LPA: variants seen among roughly 807,000 people sequenced by gnomAD.
The protein encoded by LPA is apolipoprotein(a).
Under a neutral mutation model 197.9 loss-of-function variants are expected in LPA, and 199 were observed. The observed-to-expected ratio is 1.01, with a 90% confidence interval of 0.90 to 1.13. LPA has a LOEUF of 1.13. LPA is among the 50% of genes most tolerant of loss of function. The probability of loss-of-function intolerance (pLI) is 0.00; values close to 1 mark genes in which losing one functional copy is unlikely to be tolerated. For synonymous variants in LPA, 715 were observed against 639.5 expected (o/e 1.12, Z -1.78); for missense variants, 1,853 against 1,785.8 (o/e 1.04, Z -0.68).
chr6:160,548,890 G>A (rs1778124059), intron 30 of LPA, among the ~76,000 whole-genome samples: 1 of 152,144 alleles, frequency 6.6e-6, no homozygotes, highest in South Asian at 2.1e-4. Flanking sequence ...GTATATGCTT[G>A]TATTAGCCCG....
At chr6:160,650,160 C>T (rs1239358386) in intron 2 of LPA, among the ~76,000 whole-genome samples, 178 bp downstream of exon 2, 2 of 152,190 alleles carry the variant, frequency 1.3e-5, no homozygotes, top group African/African-American at 4.8e-5. Context: ...GGAAAGAGAG[C>T]CAGCTTAACA....
chr6:160,565,581 C>A (rs1265632116), intron 28 of LPA, among the ~76,000 whole-genome samples: 1 of 152,160 alleles, frequency 6.6e-6, no homozygotes, highest in Admixed American at 6.5e-5. Context: ...GAAACCAGAG[C>A]AGAACAGCTG....
intron 24 of LPA, among the ~76,000 whole-genome samples, chr6:160,587,779 G>T (rs1441274058): frequency 5.0e-5 from 6 of 120,810 alleles, no homozygotes; most frequent in Non-Finnish European, 1.0e-4. Context: ...GTGTGTGTGT[G>T]TGTGTGTGTG....
intron 22 of LPA, among the ~76,000 whole-genome samples, chr6:160,593,167 A>T (rs1393540448): frequency 6.6e-6 from 1 of 152,124 alleles, no homozygotes; most frequent in Non-Finnish European, 1.5e-5. Context: ...GTTAAGCAAG[A>T]CTGCTGTGGT....
intron 1 of LPA, among the ~76,000 whole-genome samples, chr6:160,655,277 T>C (rs1036860481): frequency 9.2e-5 from 14 of 152,164 alleles, no homozygotes; most frequent in African/African-American, 3.4e-4. Context: ...GGCAGGGCCT[T>C]GCTCCAAAAT....
At chr6:160,535,483 GTGA>G (rs1463923558) in intron 37 of LPA, among the ~76,000 whole-genome samples, 3 of 152,234 alleles carry the variant, frequency 2.0e-5, no homozygotes, top group African/African-American at 7.2e-5. Context: ...GATGGTGATG[GTGA>G]TGATGTTGAG....
At chr6:160,574,266 C>T (rs979417071) in intron 28 of LPA, among the ~76,000 whole-genome samples, 1 of 151,950 alleles carries the variant, frequency 6.6e-6, no homozygotes, top group Non-Finnish European at 1.5e-5. Flanking sequence ...CCCGCAACAG[C>T]TCCAAGTCTG....
chr6:160,569,979 GA>G (rs1232645428), intron 28 of LPA, among the ~76,000 whole-genome samples: 2 of 152,122 alleles, frequency 1.3e-5, no homozygotes, highest in African/African-American at 2.4e-5. Context: ...AAAAAGTCAG[GA>G]AACAACAGAT....
intron 18 of LPA, among the ~76,000 whole-genome samples, chr6:160,603,981 T>G (rs1779294116): frequency 6.6e-6 from 1 of 152,214 alleles, no homozygotes; most frequent in African/African-American, 2.4e-5. Flanking sequence ...CTCTGTCCTC[T>G]TTATTGAGCT....
intron 18 of LPA, among the ~76,000 whole-genome samples, chr6:160,604,098 G>C (rs1482472295): frequency 6.6e-6 from 1 of 152,146 alleles, no homozygotes; most frequent in Non-Finnish European, 1.5e-5. Context: ...AAAGATTCGA[G>C]GAGACTACTA....
intron 16 of LPA, among the ~76,000 whole-genome samples, chr6:160,611,147 T>A (rs181324259): frequency 6.6e-6 from 1 of 152,212 alleles, no homozygotes; most frequent in East Asian, 1.9e-4. Context: ...TGTCCATAAG[T>A]AAGCACATAA....
chr6:160,650,421 G>T lies in LPA; in HGVS notation c.126C>A (p.Thr42=). Residue 42 remains threonine (T), a synonymous_variant, in exon 2 of 39, where the codon ACC becomes ACA. Transcript: ENST00000316300. ...DGQSYRGTYS[T]TVTGRTCQAW... The stretch of plus-strand genomic sequence containing the variant: ...CTTGGCAGGTCCTTCCTGTGACAGT[G>T]GTGGAGTACGTGCCTCGATAACTCT... 1 of 1,613,840 alleles carries T rather than the reference G, an allele frequency of 6.2e-7. No individual in the cohort carries two copies. Among genetic ancestry groups the T allele is most frequent in the Non-Finnish European group, 8.5e-7 (1 of 1,179,766 alleles).
At chr6:160,555,928 G>C (rs1778255211) in intron 30 of LPA, 97 bp downstream of exon 30, 1 of 1,140,298 alleles carries the variant, frequency 8.8e-7, no homozygotes, top group African/African-American at 1.5e-5. Flanking sequence ...CTGGGTCTAA[G>C]GGAAATTTGT....
intron 2 of LPA, among the ~76,000 whole-genome samples, chr6:160,647,751 C>T (rs1352629899): frequency 2.0e-5 from 3 of 152,174 alleles, no homozygotes; most frequent in Non-Finnish European, 2.9e-5. Context: ...TTAATCCCTA[C>T]ATGATTTATG....
chr6:160,654,193 G>A (rs1178746439), intron 1 of LPA, among the ~76,000 whole-genome samples: 1 of 136,554 alleles, frequency 7.3e-6, no homozygotes, highest in Non-Finnish European at 1.5e-5. Context: ...GCAAGCTGAG[G>A]AGCAAGAAAG....
At chr6:160,586,358 G>T (rs745868961) in intron 25 of LPA, 91 bp downstream of exon 25, 49 of 1,450,314 alleles carry the variant, frequency 3.4e-5, no homozygotes, top group Non-Finnish European at 4.7e-5. Flanking sequence ...GACTTCCTGT[G>T]CAGCATGGAA....
Position 160,557,508 on chromosome 6 carries a change from G to T in LPA, c.4695C>A (p.Thr1565=). ...DSGKQPWCYT[T]DPCVRWEYCN... ...AGTACTCCCACCTCACACACGGATCGGTTGTGTAACACCAGGGTTGTTTCC... is the reference window on the plus strand; with the variant it reads ...AGTACTCCCACCTCACACACGGATCTGTTGTGTAACACCAGGGTTGTTTCC... The change falls in exon 29 of 39, where the codon ACC becomes ACA. Residue 1565 remains threonine (T), a synonymous_variant. Coordinates refer to ENST00000316300, the MANE Select transcript of LPA (RefSeq NM_005577.4). 1 of 1,614,014 alleles carries T rather than the reference G, an allele frequency of 6.2e-7. No homozygotes were observed. The highest frequency in any genetic ancestry group is 8.5e-7 in the Non-Finnish European group (1 of 1,180,006).
intron 28 of LPA, among the ~76,000 whole-genome samples, chr6:160,572,301 A>C (rs569877290): frequency 6.9e-6 from 1 of 144,836 alleles, no homozygotes; most frequent in Admixed American, 6.8e-5. Flanking sequence ...GGAGCGGCAG[A>C]CTGGAGCTGT....
intron 28 of LPA, among the ~76,000 whole-genome samples, chr6:160,567,085 T>A (rs878953779): frequency 6.6e-6 from 1 of 151,234 alleles, no homozygotes; most frequent in Non-Finnish European, 1.5e-5. Context: ...GACAGATCAA[T>A]GAGACAGAAA....
Sources: allele counts gnomAD v4.1 joint callset (sites outside exome capture counted in the v4.1 genomes callset), GRCh38; gene constraint gnomAD v4.1.1; transcripts MANE v1.5; gene names NCBI Gene and HGNC (gene_info 2026-07-23, HGNC 2026-07-21).